TXLNB: variants seen among roughly 807,000 people sequenced by gnomAD.
TXLNB encodes beta-taxilin.
In TXLNB, 37 loss-of-function variants were observed where a neutral mutation model predicts 57.4. The ratio of observed to expected loss-of-function variants is 0.64; its 90% CI spans 0.50 to 0.85. TXLNB has a LOEUF of 0.85. Ranked by LOEUF, TXLNB falls within the 40% of genes least tolerant of loss-of-function variation. TXLNB has a pLI of 0.00. For missense variants in TXLNB, 848 were observed against 825.6 expected, an observed-to-expected ratio of 1.03 and a Z score of -0.33; for synonymous variants, 302 against 309.6, an observed-to-expected ratio of 0.98 and a Z score of 0.26.
chr6:139,294,119 T>C (rs1201722126), upstream of TXLNB, among the ~76,000 whole-genome samples: 1 of 152,236 alleles, frequency 6.6e-6, no homozygotes. Context: ...AGTAGTTACA[T>C]AAATTTTAAA....
chr6:139,255,762 T>C (rs1776321816), intron 6 of TXLNB, 124 bp from the exon 7 acceptor site: 1 of 686,202 alleles, frequency 1.5e-6, no homozygotes, highest in Admixed American at 2.8e-5. Flanking sequence ...TTTTTGGAAC[T>C]TTGAAAAGAA....
intron 3 of TXLNB, among the ~76,000 whole-genome samples, chr6:139,274,834 T>C (rs188118038): frequency 1.3e-3 from 201 of 152,100 alleles, no homozygotes; most frequent in Middle Eastern, 6.8e-3. Context: ...TATGAGTTGG[T>C]AAATCGAAGG....
the TXLNB span, among the ~76,000 whole-genome samples, chr6:139,205,837 G>A: frequency 6.6e-6 from 1 of 152,128 alleles, no homozygotes. Context: ...TCCTGGAAAA[G>A]TCATCACCAG....
the TXLNB span, among the ~76,000 whole-genome samples, chr6:139,168,566 T>C: frequency 6.6e-6 from 1 of 152,060 alleles, no homozygotes; most frequent in African/African-American, 2.4e-5. Context: ...TCGTGGAGAC[T>C]CTTACCCTCC....
At chr6:139,306,112 A>G in the TXLNB span, among the ~76,000 whole-genome samples, 1 of 152,210 alleles carries the variant, frequency 6.6e-6, no homozygotes, top group Non-Finnish European at 1.5e-5. Flanking sequence ...TTATCTCAGT[A>G]TACTCAATAC....
At chr6:139,181,893 T>A in the TXLNB span, among the ~76,000 whole-genome samples, 3 of 152,246 alleles carry the variant, frequency 2.0e-5, no homozygotes, top group South Asian at 6.2e-4. Flanking sequence ...CCAGCTGTTC[T>A]TTTATGTGCA....
At chr6:139,219,425 G>A in the TXLNB span, among the ~76,000 whole-genome samples, 88 of 152,364 alleles carry the variant, frequency 5.8e-4, no homozygotes, top group South Asian at 1.2e-3. Flanking sequence ...GCCGCACGGA[G>A]GCTGTATGTT....
At chr6:139,299,673 G>T in the TXLNB span, among the ~76,000 whole-genome samples, 1 of 152,064 alleles carries the variant, frequency 6.6e-6, no homozygotes, top group African/African-American at 2.4e-5. Context: ...CCTAACTCCA[G>T]GGGTCACTGT....
intron 3 of TXLNB, among the ~76,000 whole-genome samples, chr6:139,272,986 A>T (rs1159119859): frequency 6.6e-6 from 1 of 152,142 alleles, no homozygotes; most frequent in Non-Finnish European, 1.5e-5. Flanking sequence ...GTGAGTTGAG[A>T]TCGTGCCATT....
At chr6:139,170,411 G>A in the TXLNB span, 1 of 152,182 alleles carries the variant, frequency 6.6e-6, no homozygotes, top group African/African-American at 2.4e-5. Context: ...TGGATATGAT[G>A]TACATTAAGT....
chr6:139,288,695 T>C lies in TXLNB; in HGVS notation c.205A>G (p.Thr69Ala). Residue 69 changes from threonine (T) to alanine (A), a missense_variant, in exon 2 of 10, where the codon ACT becomes GCT. Thr to Ala is a moderately conservative substitution (Grantham distance 58). Transcript: ENST00000358430. ...GCTGTGCTGGCAGCAGACCCATAAG[T>C]GTTAATGATGTCTTCCAGCTGTCGA... The part of the protein sequence containing the change: ...LNRQLEDIIN[T>A]YGSAASTAGK... The C allele has an allele frequency of 6.2e-7, 1 of 1,614,146 alleles. No homozygotes were observed. The highest frequency in any genetic ancestry group is 2.2e-5 in the East Asian group (1 of 44,874).
chr6:139,279,300 G>A (rs1219555212), intron 2 of TXLNB, among the ~76,000 whole-genome samples: 4 of 151,418 alleles, frequency 2.6e-5, no homozygotes, highest in African/African-American at 9.8e-5. Context: ...GGTTTTGTTT[G>A]TTTTGTTTTT....
intron 1 of TXLNB, among the ~76,000 whole-genome samples, chr6:139,291,307 G>A (rs1241806472): frequency 1.3e-5 from 2 of 152,138 alleles, no homozygotes; most frequent in African/African-American, 4.8e-5. Context: ...TTTTAAAGTC[G>A]GGGAGACTAT....
At chr6:139,223,888 C>T in the TXLNB span, among the ~76,000 whole-genome samples, 110 of 151,296 alleles carry the variant, frequency 7.3e-4, 1 homozygote, top group Middle Eastern at 3.4e-3. Flanking sequence ...GTCAGTGTGG[C>T]GATTCCTCAG....
the TXLNB span, among the ~76,000 whole-genome samples, chr6:139,224,507 A>G: frequency 6.6e-6 from 1 of 151,950 alleles, no homozygotes; most frequent in Non-Finnish European, 1.5e-5. Context: ...GTCTGTGAAC[A>G]TTGTAATTGA....
In TXLNB at chr6:139,270,565, A is replaced by C. The variant is rs1344382819; in HGVS notation, c.578T>G (p.Ile193Ser). Residue 193 changes from isoleucine (I) to serine (S), a missense_variant, in exon 4 of 10, where the codon ATT (isoleucine) becomes AGT (serine). Ile to Ser is a moderately radical substitution (Grantham distance 142). Transcript: ENST00000358430. The part of the protein sequence containing the change: ...LKLLQKKQVQ[I>S]QKEKDQLQGE... ...TTGTAACTGGTCCTTTTCTTTTTGA[A>C]TTTGTACCTGTTTCTTTTGGAGGAG... 1.9e-6 allele frequency: 3 copies of C among 1,614,068 alleles called. No individual in the cohort carries two copies. The highest frequency in any genetic ancestry group is 2.5e-6 in the Non-Finnish European group (3 of 1,179,984).
chr6:139,245,276 C>T (rs781753710), intron 8 of TXLNB, among the ~76,000 whole-genome samples: 19 of 152,098 alleles, frequency 1.2e-4, no homozygotes, highest in Non-Finnish European at 2.4e-4. Context: ...AACCGAAGTT[C>T]GGAGAGGTAG....
the TXLNB span, among the ~76,000 whole-genome samples, chr6:139,320,093 C>A: frequency 1.3e-5 from 2 of 151,828 alleles, no homozygotes; most frequent in African/African-American, 4.8e-5. Flanking sequence ...TTATTAAAAT[C>A]CAATGTGGTA....
the TXLNB span, among the ~76,000 whole-genome samples, chr6:139,181,601 A>G: frequency 2.6e-5 from 4 of 152,174 alleles, no homozygotes; most frequent in Non-Finnish European, 4.4e-5. Context: ...CTTGTTCTAT[A>G]TTATTACTAG....
Sources: allele counts gnomAD v4.1 joint callset (sites outside exome capture counted in the v4.1 genomes callset), GRCh38; gene constraint gnomAD v4.1.1; transcripts MANE v1.5; gene names NCBI Gene and HGNC (gene_info 2026-07-23, HGNC 2026-07-21).